Variants in FBN1 observed in about 807,000 individuals in gnomAD.
FBN1 encodes fibrillin-1.
A neutral mutation model predicts 365.1 loss-of-function variants in FBN1; 29 were observed. That is an observed-to-expected ratio of 0.08 (90% CI 0.06 to 0.11). The LOEUF (loss-of-function observed/expected upper bound fraction) is 0.11. Among genes scored for constraint, FBN1 ranks in the 10% least tolerant of loss-of-function variants. FBN1 has a pLI of 1.00. For synonymous variants in FBN1, 1,210 were observed against 1,270.5 expected (o/e 0.95, Z 1.01); for missense variants, 2,476 against 3,703.2 (o/e 0.67, Z 8.60).
At chr15:48,588,479 T>C (rs2044452571) in intron 6 of FBN1, among the ~76,000 whole-genome samples, 1 of 152,152 alleles carries the variant, frequency 6.6e-6, no homozygotes. Flanking sequence ...TTTATCTTTT[T>C]AATAAGTTCA....
intron 8 of FBN1, among the ~76,000 whole-genome samples, chr15:48,531,291 G>A (rs1285955623): frequency 6.6e-6 from 1 of 151,784 alleles, no homozygotes; most frequent in Non-Finnish European, 1.5e-5. Flanking sequence ...TTGGAAAGAG[G>A]GACATTTTAG....
intron 6 of FBN1, among the ~76,000 whole-genome samples, chr15:48,565,625 T>TA (rs35240803): frequency 0.026 from 3,629 of 138,898 alleles, 225 homozygotes; most frequent in East Asian, 0.26. Context: ...TTCAATGTGA[T>TA]AAAAAAAAAA....
chr15:48,428,525 T>A (rs1265580784), intron 56 of FBN1, 54 bp from the exon 57 acceptor site: 1 of 1,604,952 alleles, frequency 6.2e-7, no homozygotes, highest in African/African-American at 1.3e-5. Flanking sequence ...GACCATTTTA[T>A]AGAGGATGGA....
intron 62 of FBN1, among the ~76,000 whole-genome samples, chr15:48,421,062 A>G (rs1048622561): frequency 2.0e-5 from 3 of 151,978 alleles, no homozygotes; most frequent in Non-Finnish European, 4.4e-5. Context: ...TCTGTAAGTT[A>G]TAAGTTATTT....
chr15:48,567,770 G>A (rs769326188), intron 6 of FBN1, among the ~76,000 whole-genome samples: 5 of 151,836 alleles, frequency 3.3e-5, no homozygotes, highest in Admixed American at 6.6e-5. Flanking sequence ...GTCTATTCAT[G>A]ATAAAACTCT....
rs2042976251 is a variant in FBN1, at chr15:48,425,862, T to C, written c.7207A>G (p.Ile2403Val). 6.2e-7 allele frequency: 1 copy of C among 1,606,518 alleles called. No individual in the cohort carries two copies. The highest frequency in any genetic ancestry group is 8.5e-7 in the Non-Finnish European group (1 of 1,173,318). ...GRGFMTNGAD[I>V]DECKVIHDVC... ...TCGTGAATAACCTTGCATTCATCGA[T>C]ATCTGTAATTTAACAAATATAAATT... Residue 2403 changes from isoleucine to valine, a missense_variant and splice_region_variant, in exon 59 of 66, where the codon ATC becomes GTC. Ile to Val is a conservative substitution (Grantham distance 29). This residue lies in a region of FBN1 where 1,780 missense variants were observed against 2,840.8 expected (regional missense o/e 0.63). Coordinates refer to ENST00000316623, the MANE Select transcript of FBN1 (RefSeq NM_000138.5).
chr15:48,484,341 T>C (rs1317346618), intron 30 of FBN1, among the ~76,000 whole-genome samples: 4 of 152,136 alleles, frequency 2.6e-5, no homozygotes, highest in Admixed American at 2.6e-4. Context: ...CATACCTACT[T>C]AGATGCTCTT....
chr15:48,620,738 G>A lies in FBN1; in HGVS notation c.165-7646C>T, dbSNP rs369763757. ...TGCTGGCTGTTCAGCAATATTTAAT[G>A]AGAGCCTATTATGTGCTAGGCACTG... On this transcript the variant is annotated intron_variant, in intron 2 of 65. Coordinates refer to ENST00000316623, the MANE Select transcript of FBN1 (RefSeq NM_000138.5). Among the ~76,000 whole-genome samples, 3 of 152,196 alleles carry A rather than the reference G, an allele frequency of 2.0e-5. No homozygotes were observed. In the East Asian group the frequency reaches 5.8e-4, roughly 29 times the overall value.
At chr15:48,555,713 A>G (rs1176873326) in intron 6 of FBN1, among the ~76,000 whole-genome samples, 1 of 152,128 alleles carries the variant, frequency 6.6e-6, no homozygotes, top group African/African-American at 2.4e-5. Flanking sequence ...CACTCAATAT[A>G]TCTTTCTTAA....
chr15:48,536,117 A>C (rs74011854), intron 7 of FBN1, among the ~76,000 whole-genome samples: 83 of 148,506 alleles, frequency 5.6e-4, no homozygotes, highest in Non-Finnish European at 6.0e-4. Flanking sequence ...CTCTTAGAAA[A>C]AACAACAACA....
At chr15:48,461,427 C>A (rs2433394) in intron 42 of FBN1, among the ~76,000 whole-genome samples, 99,831 of 151,998 alleles carry the variant, frequency 0.66, 34,098 homozygotes, top group Middle Eastern at 0.77. Flanking sequence ...AAAGAAAATG[C>A]GAGGACTTCT....
chr15:48,617,958 T>C (rs1007513684), intron 2 of FBN1, among the ~76,000 whole-genome samples: 4 of 152,232 alleles, frequency 2.6e-5, no homozygotes, highest in African/African-American at 9.6e-5. Flanking sequence ...GAGGCTCTTA[T>C]TTCATATATG....
Position 48,468,021 on chromosome 15 carries a change from A to C in FBN1, c.4664T>G (p.Val1555Gly). The change falls in exon 38 of 66, where the codon GTT (valine) becomes GGT (glycine). Residue 1555 changes from valine (V) to glycine (G), a missense_variant. Val to Gly is a moderately radical substitution (Grantham distance 109). Around this residue, in one of 5 missense-constraint regions of FBN1, gnomAD observed 1,780 missense variants for 2,840.8 expected, o/e 0.63. Transcript: ENST00000316623. ...GDTACSNEIGVGVSKASCCCS... is the reference protein window; with the variant it reads ...GDTACSNEIGGGVSKASCCCS... ...GCAGCAGGAAGCTTTGGAAACACCA[A>C]CTCCAATTTCATTGCTGCAGGCTGT... is the stretch of plus-strand genomic sequence containing the variant. 1 of 1,613,924 alleles carries C rather than the reference A, an allele frequency of 6.2e-7. No individual in the cohort carries two copies.
rs955085872 is a variant in FBN1 at position 48,427,642 on chromosome 15, T to C, written c.7129A>G (p.Ile2377Val). The part of the protein sequence containing the change: ...GGRGWGPHCE[I>V]CPFQGTVAFK... ...GCCACAGTCCCCTGGAAAGGGCAGA[T>C]CTCACAGTGGGGACCCCAGCCTCTC... Residue 2377 changes from isoleucine (I) to valine (V), a missense_variant, in exon 58 of 66, where the codon ATC becomes GTC. Transcript: ENST00000316623. 6 of 1,614,056 alleles carry C rather than the reference T, an allele frequency of 3.7e-6. No individual in the cohort carries two copies. The African/African-American group carries it at 8.0e-5, about 22-fold the overall frequency.
At chr15:48,558,820 A>G (rs1354244466) in intron 6 of FBN1, among the ~76,000 whole-genome samples, 1 of 152,188 alleles carries the variant, frequency 6.6e-6, no homozygotes, top group Non-Finnish European at 1.5e-5. Context: ...GGGAGTACCT[A>G]TAGGTGCTGT....
At chr15:48,610,192 T>G in intron 4 of FBN1, among the ~76,000 whole-genome samples, 1 of 152,204 alleles carries the variant, frequency 6.6e-6, no homozygotes, top group East Asian at 1.9e-4. Context: ...ACTGTGGATA[T>G]TCATCTGGCA....
At position 48,534,221 on chromosome 15, in the gene FBN1, A is replaced by T; in HGVS notation, c.737-16T>A. ...TCATCCACATCTGTCAGATTACAGAAGACAGAGAGAAAAAAAAAAAACTCA... is the reference window on the plus strand; with the variant it reads ...TCATCCACATCTGTCAGATTACAGATGACAGAGAGAAAAAAAAAAAACTCA... On this transcript the variant is annotated splice_polypyrimidine_tract_variant and intron_variant, in intron 7 of 65. Transcript: ENST00000316623. 6.2e-7 allele frequency: 1 copy of T among 1,600,284 alleles called. No individual in the cohort carries two copies.
intron 2 of FBN1, among the ~76,000 whole-genome samples, chr15:48,623,897 G>A (rs1889817520): frequency 6.6e-6 from 1 of 150,958 alleles, no homozygotes; most frequent in Non-Finnish European, 1.5e-5. Context: ...CCCCTTCAAG[G>A]GCATGTACAC....
At chr15:48,431,711 G>A (rs1030428286) in intron 55 of FBN1, among the ~76,000 whole-genome samples, 1 of 152,062 alleles carries the variant, frequency 6.6e-6, no homozygotes, top group Non-Finnish European at 1.5e-5. Context: ...CTGGAGTGCA[G>A]TGGCATGATC....
Sources: gnomAD v4.1 joint callset for allele counts (sites outside exome capture counted in the v4.1 genomes callset) on GRCh38, gnomAD v4.1.1 for gene constraint, gnomAD v4.1.1 regional missense constraint, MANE v1.5 for transcripts, NCBI Gene and HGNC (gene_info 2026-07-23, HGNC 2026-07-21) for gene names.